Variants in BRD3 observed in about 807,000 individuals in gnomAD.
BRD3 encodes bromodomain containing 3, also known as bromodomain-containing protein 3.
Under a neutral mutation model 66.8 loss-of-function variants are expected in BRD3, and 17 were observed. That is an observed-to-expected ratio of 0.25 (90% CI 0.17 to 0.38). The LOEUF is 0.38. Among genes scored for constraint, BRD3 ranks in the 10% least tolerant of loss-of-function variants. BRD3 has a pLI of 1.00. For missense variants in BRD3, 713 were observed against 956.1 expected, an observed-to-expected ratio of 0.75 and a Z score of 3.35; for synonymous variants, 421 against 393.2, an observed-to-expected ratio of 1.07 and a Z score of -0.84.
intron 1 of BRD3, among the ~76,000 whole-genome samples, chr9:134,054,958 C>A (rs1830384076): frequency 6.6e-6 from 1 of 152,174 alleles, no homozygotes; most frequent in South Asian, 2.1e-4. Flanking sequence ...AGAGAACGTG[C>A]CCCGTCTCTG....
Position 134,053,436 on chromosome 9 carries a change from C to T in BRD3, c.42G>A (p.Ala14=), listed in dbSNP as rs376060429. ...GGGGTGGGTTCACAGGGCCCGGGGT[C>T]GCCGGGATCCCCGCGGGGGCGACTG... ...ATTVAPAGIP[A]TPGPVNPPPP... is the part of the protein sequence containing the mutation. Residue 14 remains alanine, a synonymous_variant, in exon 2 of 12, where the codon GCG becomes GCA. Coordinates refer to ENST00000303407, the MANE Select transcript of BRD3 (RefSeq NM_007371.4). 13 of 1,610,154 alleles carry T rather than the reference C, an allele frequency of 8.1e-6. No individual in the cohort carries two copies. The highest frequency in any genetic ancestry group is 5.0e-5 in the Admixed American group (3 of 59,926).
chr9:134,047,862 C>G (rs1830208566), intron 6 of BRD3: 2 of 552,480 alleles, frequency 3.6e-6, no homozygotes, highest in Non-Finnish European at 6.1e-6. Flanking sequence ...GAATAAACAA[C>G]AACAGAGCCA....
chr9:134,058,547 C>G (rs929595684), intron 1 of BRD3: 3 of 152,298 alleles, frequency 2.0e-5, no homozygotes, highest in African/African-American at 7.2e-5. Context: ...AGCCTGACCA[C>G]TCCGTGTCAC....
rs2059913409 is a variant in BRD3 at position 134,031,473 on chromosome 9, A to G, written c.*2117T>C. On this transcript the variant is annotated 3_prime_UTR_variant, in exon 12 of 12. Coordinates refer to ENST00000303407, the MANE Select transcript of BRD3 (RefSeq NM_007371.4). ...AAATTCGGTTTAAATAGTCCATTAA[A>G]GATCTGTTTAGAAAATACCTTTGAA... 5.0e-6 allele frequency: 1 copy of G among 199,818 alleles called. No homozygotes were observed. Among genetic ancestry groups the G allele is most frequent in the African/African-American group, 2.4e-5 (1 of 41,766 alleles). The allele number at this position is 199,818 out of a possible 1,614,324, so 12.4% of individuals were successfully genotyped here. A position where few individuals can be genotyped will look rare whatever the true frequency, so the allele number is the denominator to read the frequency against.
intron 10 of BRD3, 22 bp downstream of exon 10, chr9:134,036,010 A>T: frequency 6.4e-7 from 1 of 1,569,700 alleles, no homozygotes; most frequent in Non-Finnish European, 8.6e-7. Flanking sequence ...TTCAAGCACC[A>T]CGCTCCACGC....
Position 134,041,882 on chromosome 9 carries a change from C to T in BRD3, c.1285G>A (p.Ala429Thr), listed in dbSNP as rs748656715. 2.2e-5 allele frequency: 35 copies of T among 1,611,756 alleles called. No individual in the cohort carries two copies. In the Admixed American group the frequency reaches 2.2e-4, roughly 10 times the overall value. ...PVEAPALPAP[A>T]APMVSKGAES... ...GCGCCCTTGCTCACCATGGGGGCCG[C>T]GGGGGCAGGCAGCGCCGGTGCCTCC... Residue 429 changes from alanine (A) to threonine (T), a missense_variant, in exon 8 of 12, where the codon GCG becomes ACG. Ala to Thr is a moderately conservative substitution (Grantham distance 58). This residue lies in a region of BRD3 where 418 missense variants were observed against 609.3 expected (regional missense o/e 0.69). Coordinates refer to ENST00000303407, the MANE Select transcript of BRD3 (RefSeq NM_007371.4).
chr9:134,055,316 C>T lies in BRD3; in HGVS notation c.-113-1726G>A, dbSNP rs145013249. Among the ~76,000 whole-genome samples the T allele has an allele frequency of 1.7e-4, 26 of 152,282 alleles. No individual in the cohort carries two copies. The East Asian group carries it at 4.6e-3, about 27-fold the overall frequency. On this transcript the variant is annotated intron_variant, in intron 1 of 11. Transcript: ENST00000303407. ...GGCTCCACGTGACTCAGAGTGAAAG[C>T]GAGTCCTGCCCCACCCTGGTTGGTG...
At position 134,042,644 on chromosome 9, in the gene BRD3, T is replaced by TACACAC. The variant is rs1291806834; in HGVS notation, c.1216-694_1216-693insGTGTGT. On this transcript the variant is annotated intron_variant, in intron 7 of 11. Coordinates refer to ENST00000303407, the MANE Select transcript of BRD3 (RefSeq NM_007371.4). Reference sequence around the variant, plus strand: ...AGAGTGAGACCCTGCCTCAAATATATATACACACACACACACACACACACA... The same window carrying TACACAC: ...AGAGTGAGACCCTGCCTCAAATATATACACACATACACACACACACACACACACACA... 5.9e-3 allele frequency among the ~76,000 whole-genome samples: 766 copies of TACACAC among 128,842 alleles called. 1 individual carries two copies. The highest frequency in any genetic ancestry group is 9.1e-3 in the African/African-American group (309 of 33,988). The allele number at this position is 128,842 out of a possible 152,430, so 84.5% of individuals were successfully genotyped here.
intron 10 of BRD3, among the ~76,000 whole-genome samples, chr9:134,035,719 C>T (rs967362853): frequency 2.0e-5 from 3 of 152,242 alleles, no homozygotes; most frequent in African/African-American, 7.2e-5. Context: ...GGGTTTGGGG[C>T]CGGAGCCCAG....
intron 5 of BRD3, among the ~76,000 whole-genome samples, chr9:134,049,944 T>C (rs932810614): frequency 1.3e-5 from 2 of 152,012 alleles, no homozygotes; most frequent in African/African-American, 2.4e-5. Context: ...CAGGTCCCCA[T>C]GCTCCCATGT....
At chr9:134,063,745 G>A (rs953917425) in intron 1 of BRD3, among the ~76,000 whole-genome samples, 73 of 152,348 alleles carry the variant, frequency 4.8e-4, no homozygotes, top group African/African-American at 1.7e-3. Flanking sequence ...CCAGACTCCA[G>A]GCCTGGCCAG....
chr9:134,059,152 G>T (rs1338103258), intron 1 of BRD3, among the ~76,000 whole-genome samples: 1 of 152,266 alleles, frequency 6.6e-6, no homozygotes, highest in Non-Finnish European at 1.5e-5. Context: ...TCATGATAAT[G>T]TGGGGGGTGA....
At chr9:134,064,358 T>C (rs1438867731) in intron 1 of BRD3, among the ~76,000 whole-genome samples, 1 of 149,816 alleles carries the variant, frequency 6.7e-6, no homozygotes, top group African/African-American at 2.5e-5. Context: ...CGAAACCCCA[T>C]CTTTACTAAA....
chr9:134,042,792 TAC>T (rs58646444), intron 7 of BRD3, among the ~76,000 whole-genome samples: 88,757 of 147,642 alleles, frequency 0.6, 27,079 homozygotes, highest in Non-Finnish European at 0.69. Context: ...TACACAAATA[TAC>T]ACACACACAC....
intron 1 of BRD3, among the ~76,000 whole-genome samples, chr9:134,064,977 T>C (rs1255718605): frequency 2.0e-5 from 3 of 152,212 alleles, no homozygotes; most frequent in Non-Finnish European, 4.4e-5. Flanking sequence ...CCTGTGCATC[T>C]CTTCTGCTCC....
Position 134,040,057 on chromosome 9 carries a change from G to C in BRD3, c.1620C>G (p.Ala540=). Reference sequence around the variant, plus strand: ...ACCTGCCGGCCGTGGTCGTGCTGTTGGCCTTCTTGGCAGGAGCCTTCTTCT... The same window carrying C: ...ACCTGCCGGCCGTGGTCGTGCTGTTCGCCTTCTTGGCAGGAGCCTTCTTCT... ...AQQKKAPAKK[A]NSTTTAGRQL... The change falls in exon 9 of 12, where the codon GCC becomes GCG. Residue 540 remains alanine (A), a synonymous_variant. Transcript: ENST00000303407. 19 of 1,593,872 alleles carry C rather than the reference G, an allele frequency of 1.2e-5. No individual in the cohort carries two copies. Among genetic ancestry groups the C allele is most frequent in the Non-Finnish European group, 1.6e-5 (19 of 1,171,958 alleles).
intron 1 of BRD3, among the ~76,000 whole-genome samples, chr9:134,055,290 G>A (rs1830394439): frequency 6.6e-6 from 1 of 152,206 alleles, no homozygotes; most frequent in African/African-American, 2.4e-5. Flanking sequence ...AACCTCCCAG[G>A]GGCTCCACGT....
At chr9:134,039,023 G>A (rs914417675) in intron 9 of BRD3, among the ~76,000 whole-genome samples, 1 of 152,060 alleles carries the variant, frequency 6.6e-6, no homozygotes, top group African/African-American at 2.4e-5. Flanking sequence ...ATTAATGGCT[G>A]ACCCAGCTGT....
intron 5 of BRD3, among the ~76,000 whole-genome samples, chr9:134,048,745 C>T (rs1040858298): frequency 6.6e-6 from 1 of 152,146 alleles, no homozygotes; most frequent in Admixed American, 6.5e-5. Context: ...TCAGGGGTCC[C>T]GGGTGGGCTC....
Sources: gnomAD v4.1 joint callset for allele counts (sites outside exome capture counted in the v4.1 genomes callset) on GRCh38, gnomAD v4.1.1 for gene constraint, gnomAD v4.1.1 regional missense constraint, MANE v1.5 for transcripts, NCBI Gene and HGNC (gene_info 2026-07-23, HGNC 2026-07-21) for gene names.